The following NBDY variants were observed in gnomAD, a reference collection of about 807,000 sequenced individuals.
NBDY encodes negative regulator of P-body association.
In NBDY at chrX:56,818,143, C is replaced by T. The variant is rs2069919290; in HGVS notation, c.*990C>T. The T allele has an allele frequency of 9.0e-6, 1 of 110,997 alleles. No homozygotes were observed. Among genetic ancestry groups the T allele is most frequent in the African/African-American group, 3.3e-5 (1 of 30,683 alleles). 9.1% of individuals were successfully genotyped at this position (110,997 alleles called of 1,213,427 possible). A position where few individuals can be genotyped will look rare whatever the true frequency, so the allele number is the denominator to read the frequency against. ...GGATATAAAAAAATAAAGCTTCTAC[C>T]TTTGAATTGTAATAATAAAAGATAA... On this transcript the variant is annotated 3_prime_UTR_variant, in exon 3 of 3. Transcript: ENST00000374922.
chrX:56,802,754 T>C (rs1166099895), intron 2 of NBDY, among the ~76,000 whole-genome samples: 1 of 112,568 alleles, frequency 8.9e-6, no homozygotes, highest in Admixed American at 9.3e-5. Context: ...TTGTCTTCTA[T>C]TTTTCTGCAT....
chrX:56,766,650 C>T (rs2069667421), intron 2 of NBDY, among the ~76,000 whole-genome samples: 1 of 111,977 alleles, frequency 8.9e-6, no homozygotes. Flanking sequence ...TGCCTCCAGG[C>T]CTGAGTCATT....
intron 2 of NBDY, among the ~76,000 whole-genome samples, chrX:56,748,910 G>C (rs1019400713): frequency 9.6e-6 from 1 of 104,515 alleles, no homozygotes; most frequent in African/African-American, 3.5e-5. Context: ...AATGATAACT[G>C]TAAGAAGATT....
intron 2 of NBDY, among the ~76,000 whole-genome samples, chrX:56,781,135 CA>C (rs2069685689): frequency 1.8e-5 from 2 of 111,332 alleles, no homozygotes; most frequent in Non-Finnish European, 3.8e-5. Flanking sequence ...TACCTTTGAA[CA>C]TCAATCACGT....
At chrX:56,739,236 GTGTATATA>G (rs1244715296) in intron 2 of NBDY, among the ~76,000 whole-genome samples, 13 of 58,086 alleles carry the variant, frequency 2.2e-4, no homozygotes, top group African/African-American at 8.2e-4. Context: ...GTGTTTGTGT[GTGTATATA>G]TATATATATA....
chrX:56,793,959 C>T (rs2069777686), intron 2 of NBDY, among the ~76,000 whole-genome samples: 2 of 112,100 alleles, frequency 1.8e-5, no homozygotes, highest in Non-Finnish European at 1.9e-5. Context: ...AAGGGCACCT[C>T]GGAGCTGCCC....
intron 2 of NBDY, among the ~76,000 whole-genome samples, chrX:56,747,258 T>C (rs1231048414): frequency 8.9e-6 from 1 of 111,765 alleles, no homozygotes; most frequent in Non-Finnish European, 1.9e-5. Flanking sequence ...GTTCATAAAC[T>C]GGTTTGGTAA....
Position 56,818,694 on chromosome X carries a change from A to G in NBDY, c.*1541A>G, listed in dbSNP as rs1245092614. The G allele has an allele frequency of 8.9e-6, 1 of 112,148 alleles. No homozygotes were observed. The highest frequency in any genetic ancestry group is 1.9e-5 in the Non-Finnish European group (1 of 53,222). 9.2% of individuals were successfully genotyped at this position (112,148 alleles called of 1,213,427 possible). On this transcript the variant is annotated 3_prime_UTR_variant, in exon 3 of 3. Transcript: ENST00000374922. ...GAAGAAATTTATAACCTGATTCTAA[A>G]GTTCATATGAAAATGTAATGGACCC...
At chrX:56,798,979 A>T (rs771635755) in intron 2 of NBDY, among the ~76,000 whole-genome samples, 2 of 112,296 alleles carry the variant, frequency 1.8e-5, no homozygotes, top group Non-Finnish European at 3.8e-5. Context: ...TTGTGGAGCC[A>T]TAGTGCCATC....
intron 2 of NBDY, among the ~76,000 whole-genome samples, chrX:56,755,880 T>G (rs1433168747): frequency 9.5e-6 from 1 of 104,720 alleles, no homozygotes; most frequent in African/African-American, 3.5e-5. Flanking sequence ...AGCAAAGACT[T>G]GGAACCAACC....
At chrX:56,811,393 G>A (rs751318223) in intron 2 of NBDY, among the ~76,000 whole-genome samples, 1 of 111,928 alleles carries the variant, frequency 8.9e-6, no homozygotes, top group Non-Finnish European at 1.9e-5. Flanking sequence ...CAAGGAGGTG[G>A]GGGTTTTATC....
At chrX:56,811,479 G>A (rs2069886417) in intron 2 of NBDY, among the ~76,000 whole-genome samples, 1 of 112,244 alleles carries the variant, frequency 8.9e-6, no homozygotes, top group Non-Finnish European at 1.9e-5. Flanking sequence ...TGGAGAGGCA[G>A]GTTGGCCACA....
intron 2 of NBDY, among the ~76,000 whole-genome samples, chrX:56,789,197 G>A (rs2069747031): frequency 8.8e-6 from 1 of 112,997 alleles, no homozygotes; most frequent in African/African-American, 3.2e-5. Context: ...CTACAGCAGG[G>A]ATCCCCACCT....
intron 2 of NBDY, chrX:56,811,186 G>C (rs1032298293): frequency 9.8e-5 from 11 of 112,055 alleles, no homozygotes; most frequent in African/African-American, 3.6e-4. Flanking sequence ...TGAGGTATCT[G>C]TCAGTTCCTA....
At chrX:56,759,880 C>T (rs761427322) in intron 2 of NBDY, among the ~76,000 whole-genome samples, 17 of 112,235 alleles carry the variant, frequency 1.5e-4, no homozygotes, top group Non-Finnish European at 3.0e-4. Flanking sequence ...CCCAGCACCC[C>T]GAAGTTCCTT....
At chrX:56,742,795 C>T (rs930878278) in intron 2 of NBDY, among the ~76,000 whole-genome samples, 4 of 111,523 alleles carry the variant, frequency 3.6e-5, no homozygotes, top group African/African-American at 9.7e-5. Context: ...TTCTTCCTTT[C>T]CAATTTGGAT....
At chrX:56,799,610 A>C (rs1206908553) in intron 2 of NBDY, among the ~76,000 whole-genome samples, 3 of 113,294 alleles carry the variant, frequency 2.6e-5, no homozygotes, top group Non-Finnish European at 1.9e-5. Flanking sequence ...CTGTGACTGG[A>C]AGAAGGCAAG....
intron 2 of NBDY, among the ~76,000 whole-genome samples, chrX:56,801,665 C>G (rs1326609344): frequency 1.8e-5 from 2 of 111,273 alleles, no homozygotes; most frequent in Admixed American, 1.9e-4. Flanking sequence ...TTTGTGGATG[C>G]TCTAAATGTG....
intron 2 of NBDY, among the ~76,000 whole-genome samples, chrX:56,806,418 TA>T (rs1427642208): frequency 8.9e-6 from 1 of 112,208 alleles, no homozygotes; most frequent in African/African-American, 3.2e-5. Flanking sequence ...GTGGTTGAAC[TA>T]ATTGACACTC....
Sources: allele counts gnomAD v4.1 joint callset (sites outside exome capture counted in the v4.1 genomes callset), GRCh38; gene constraint gnomAD v4.1.1; transcripts MANE v1.5; gene names NCBI Gene and HGNC (gene_info 2026-07-23, HGNC 2026-07-21).